TNFSF4: variants seen among roughly 807,000 people sequenced by gnomAD.
TNFSF4 encodes the protein tumor necrosis factor ligand superfamily member 4.
TNFSF4 carries 4 observed loss-of-function variants against 7.3 expected under a neutral mutation model. The observed-to-expected ratio is 0.55, with a 90% confidence interval of 0.27 to 1.25. The LOEUF is 1.25. Ranked by LOEUF, TNFSF4 falls within the 50% of genes most tolerant of loss-of-function variation. TNFSF4 has a pLI of 0.12. For synonymous variants in TNFSF4, 76 were observed against 83.7 expected, an observed-to-expected ratio of 0.91 and a Z score of 0.50; for missense variants, 181 against 208.8, an observed-to-expected ratio of 0.87 and a Z score of 0.82.
At chr1:173,409,772 G>A in the TNFSF4 span, among the ~76,000 whole-genome samples, 23 of 152,246 alleles carry the variant, frequency 1.5e-4, 1 homozygote, top group East Asian at 4.3e-3. Context: ...TGCAGGCAGT[G>A]GTTACGCTGG....
At chr1:173,324,945 G>C in the TNFSF4 span, among the ~76,000 whole-genome samples, 30 of 152,134 alleles carry the variant, frequency 2.0e-4, no homozygotes, top group African/African-American at 7.2e-4. Flanking sequence ...GTCAACATTA[G>C]ACAGATCAAC....
chr1:173,206,783 A>G (rs142010989), intron 1 of TNFSF4, among the ~76,000 whole-genome samples: 1 of 152,326 alleles, frequency 6.6e-6, no homozygotes, highest in Non-Finnish European at 1.5e-5. Context: ...AGAAAAAGAA[A>G]AAGATCTAGA....
the TNFSF4 span, among the ~76,000 whole-genome samples, chr1:173,215,462 T>C: frequency 6.6e-6 from 1 of 152,192 alleles, no homozygotes; most frequent in Non-Finnish European, 1.5e-5. Flanking sequence ...TTCTCTATGA[T>C]AACAAGAATT....
At chr1:173,223,523 G>A in the TNFSF4 span, among the ~76,000 whole-genome samples, 1 of 152,038 alleles carries the variant, frequency 6.6e-6, no homozygotes, top group African/African-American at 2.4e-5. Flanking sequence ...AAAAATAGAG[G>A]GAAAAGACAA....
the TNFSF4 span, among the ~76,000 whole-genome samples, chr1:173,234,255 C>T: frequency 5.3e-5 from 8 of 152,192 alleles, no homozygotes. Context: ...GAGATACGAT[C>T]TCACACCAGT....
At chr1:173,382,874 TCA>T in the TNFSF4 span, among the ~76,000 whole-genome samples, 1,261 of 91,272 alleles carry the variant, frequency 0.014, 14 homozygotes, top group South Asian at 0.02. Context: ...TTTACTGTTT[TCA>T]CACACACACA....
At chr1:173,380,296 A>T in the TNFSF4 span, among the ~76,000 whole-genome samples, 1 of 152,110 alleles carries the variant, frequency 6.6e-6, no homozygotes, top group Admixed American at 6.5e-5. Context: ...GAATATGGGG[A>T]ACAAGTTACC....
chr1:173,373,205 G>A, the TNFSF4 span, among the ~76,000 whole-genome samples: 1 of 152,192 alleles, frequency 6.6e-6, no homozygotes, highest in Non-Finnish European at 1.5e-5. Flanking sequence ...TGAAGTTATT[G>A]CACAAAGTAC....
the TNFSF4 span, among the ~76,000 whole-genome samples, chr1:173,364,381 G>GGATA: frequency 7.1e-6 from 1 of 140,800 alleles, no homozygotes; most frequent in Non-Finnish European, 1.6e-5. Context: ...GGGTGTATGT[G>GGATA]TATATATATA....
the TNFSF4 span, among the ~76,000 whole-genome samples, chr1:173,444,285 C>A: frequency 1.3e-5 from 2 of 152,192 alleles, no homozygotes; most frequent in Non-Finnish European, 2.9e-5. Context: ...CACACAAACA[C>A]ACACACACGT....
chr1:173,297,657 A>G, the TNFSF4 span, among the ~76,000 whole-genome samples: 1 of 151,922 alleles, frequency 6.6e-6, no homozygotes, highest in African/African-American at 2.4e-5. Flanking sequence ...TGCAGGAGAG[A>G]ATACGAAATA....
the TNFSF4 span, among the ~76,000 whole-genome samples, chr1:173,322,901 G>A: frequency 6.6e-6 from 1 of 152,218 alleles, no homozygotes; most frequent in Non-Finnish European, 1.5e-5. Flanking sequence ...GCTCGAACTT[G>A]GTGGAGCCCA....
chr1:173,268,715 A>G, the TNFSF4 span, among the ~76,000 whole-genome samples: 1 of 152,030 alleles, frequency 6.6e-6, no homozygotes, highest in Non-Finnish European at 1.5e-5. Flanking sequence ...TTAAAACTCA[A>G]TCCAGCTATA....
the TNFSF4 span, among the ~76,000 whole-genome samples, chr1:173,219,301 T>C: frequency 6.6e-6 from 1 of 152,210 alleles, no homozygotes; most frequent in South Asian, 2.1e-4. Flanking sequence ...TTGACTTAAA[T>C]ATAATCCTCA....
chr1:173,226,139 C>T, the TNFSF4 span, among the ~76,000 whole-genome samples: 4 of 152,212 alleles, frequency 2.6e-5, no homozygotes, highest in Admixed American at 2.0e-4. Flanking sequence ...CATGTTTTTT[C>T]AGACTATGAT....
At chr1:173,263,965 T>C in the TNFSF4 span, among the ~76,000 whole-genome samples, 5 of 152,040 alleles carry the variant, frequency 3.3e-5, no homozygotes, top group Non-Finnish European at 5.9e-5. Context: ...ACAGAAGACA[T>C]TGGGGCCTAT....
the TNFSF4 span, among the ~76,000 whole-genome samples, chr1:173,259,676 A>G: frequency 1.3e-5 from 2 of 152,368 alleles, no homozygotes; most frequent in East Asian, 3.9e-4. Context: ...GAAAAACACA[A>G]TACAAGAACT....
chr1:173,335,206 C>A, the TNFSF4 span, among the ~76,000 whole-genome samples: 4 of 151,966 alleles, frequency 2.6e-5, no homozygotes, highest in African/African-American at 7.2e-5. Context: ...AAATGCCAAA[C>A]CTGCCTTCTT....
chr1:173,400,631 C>T, the TNFSF4 span, among the ~76,000 whole-genome samples: 1 of 152,206 alleles, frequency 6.6e-6, no homozygotes, highest in South Asian at 2.1e-4. Flanking sequence ...AGTTCCTTTG[C>T]TGACTGGGGT....
Sources: gnomAD v4.1 joint callset for allele counts (sites outside exome capture counted in the v4.1 genomes callset) on GRCh38, gnomAD v4.1.1 for gene constraint, MANE v1.5 for transcripts, NCBI Gene and HGNC (gene_info 2026-07-23, HGNC 2026-07-21) for gene names.